DOP1A: variants seen among roughly 807,000 people sequenced by gnomAD.
DOP1A encodes DOP1 leucine zipper like protein A, also known as protein DOP1A.
In DOP1A, 90 loss-of-function variants were observed where a neutral mutation model predicts 267.6. The observed-to-expected ratio is 0.34, with a 90% CI of 0.28 to 0.40. DOP1A has a LOEUF of 0.40. Ranked by LOEUF, DOP1A falls within the 10% of genes least tolerant of loss-of-function variation. DOP1A has a pLI of 1.00. For missense variants in DOP1A, 2,437 were observed against 2,900.4 expected (o/e 0.84, Z 3.67); for synonymous variants, 932 against 999.1 (o/e 0.93, Z 1.27).
At chr6:83,080,779 C>T (rs1322704230) in intron 1 of DOP1A, among the ~76,000 whole-genome samples, 9 of 152,092 alleles carry the variant, frequency 5.9e-5, no homozygotes, top group Admixed American at 5.9e-4. Context: ...ATAGGTTCAC[C>T]ACGGCCATTT....
chr6:83,113,285 A>G (rs1316214665), intron 6 of DOP1A, 38 bp from the exon 7 acceptor site: 1 of 1,551,556 alleles, frequency 6.4e-7, no homozygotes, highest in South Asian at 1.2e-5. Flanking sequence ...ATGTCTCAGC[A>G]TAATAGACAA....
In DOP1A at chr6:83,100,764, C is replaced by G. The variant is rs775361899; in HGVS notation, c.198C>G (p.Arg66=). 1 of 1,585,596 alleles carries G rather than the reference C, an allele frequency of 6.3e-7. No homozygotes were observed. The highest frequency in any genetic ancestry group is 8.6e-7 in the Non-Finnish European group (1 of 1,164,304). ...CCAAAAAGCTGACCATAGGCAAACG[C>G]CTAGCTCAATGTCTACATCCAGCAT... ...VVPKKLTIGK[R]LAQCLHPALP... The change falls in exon 4 of 39, where the codon CGC becomes CGG. Residue 66 remains arginine (R), a synonymous_variant. Transcript: ENST00000349129.
chr6:83,129,040 G>T lies in DOP1A; in HGVS notation c.1873G>T (p.Gly625Trp). The T allele has an allele frequency of 1.2e-6, 2 of 1,613,932 alleles. No individual in the cohort carries two copies. The highest frequency in any genetic ancestry group is 1.7e-4 in the Middle Eastern group (1 of 6,058). ...TGACAGAGAACTGAGTGAGGGCCAG[G>T]GGGCAGCTGCCATCCCAATTGGTAG... ...DIDRELSEGQ[G>W]AAAIPIGSTS... Residue 625 changes from glycine to tryptophan, a missense_variant, in exon 16 of 39, where the codon GGG (glycine) becomes TGG (tryptophan). By Grantham distance (184) the Gly-to-Trp change is radical (BLOSUM62 -2). Around this residue, in one of 9 missense-constraint regions of DOP1A, gnomAD observed 498 missense variants for 513.5 expected, o/e 0.97. Coordinates refer to ENST00000349129, the MANE Select transcript of DOP1A (RefSeq NM_015018.4).
chr6:83,166,751 A>C (rs550203370), intron 38 of DOP1A: 4 of 1,119,448 alleles, frequency 3.6e-6, no homozygotes, highest in Non-Finnish European at 4.4e-6. Context: ...AGAAGAAAAT[A>C]AGCTGGATTT....
chr6:83,088,815 A>G (rs1212935728), intron 1 of DOP1A, among the ~76,000 whole-genome samples: 1 of 152,244 alleles, frequency 6.6e-6, no homozygotes, highest in Non-Finnish European at 1.5e-5. Flanking sequence ...AAGATTATTT[A>G]GTGACAGTGC....
chr6:83,083,572 C>T (rs1429891143), intron 1 of DOP1A, among the ~76,000 whole-genome samples: 1 of 152,044 alleles, frequency 6.6e-6, no homozygotes, highest in Non-Finnish European at 1.5e-5. Flanking sequence ...GTATATCTAC[C>T]TCATGGATGT....
rs531453569 is a variant in DOP1A, at chr6:83,121,494, A to C, written c.1100-436A>C. Among the ~76,000 whole-genome samples the C allele has an allele frequency of 2.0e-5, 3 of 151,916 alleles. No individual in the cohort carries two copies. In the South Asian group the frequency reaches 6.2e-4, roughly 32 times the overall value. On this transcript the variant is annotated intron_variant, in intron 10 of 38. Coordinates refer to ENST00000349129, the MANE Select transcript of DOP1A (RefSeq NM_015018.4). Reference sequence around the variant, plus strand: ...AGCCTTATGCATTTTAGTATTATTTAAATTAATAGCAGTAATTACAAGTAG... The same window carrying C: ...AGCCTTATGCATTTTAGTATTATTTCAATTAATAGCAGTAATTACAAGTAG...
intron 6 of DOP1A, among the ~76,000 whole-genome samples, chr6:83,111,248 C>G (rs1237002161): frequency 6.6e-6 from 1 of 152,052 alleles, no homozygotes; most frequent in African/African-American, 2.4e-5. Flanking sequence ...CTGCGCCTGG[C>G]TTGTGTTCAC....
At chr6:83,123,075 A>T in intron 12 of DOP1A, 93 bp downstream of exon 12, 1 of 1,330,468 alleles carries the variant, frequency 7.5e-7, no homozygotes, top group South Asian at 1.5e-5. Context: ...ATGTTCTTTT[A>T]TACATTCTAT....
chr6:83,078,304 T>A lies in DOP1A; in HGVS notation c.-147+10525T>A, dbSNP rs151308469. 3.0e-3 allele frequency among the ~76,000 whole-genome samples: 462 copies of A among 152,348 alleles called. 5 individuals are homozygous for A. The highest frequency in any genetic ancestry group is 3.6e-3 in the Non-Finnish European group (244 of 68,032). On this transcript the variant is annotated intron_variant, in intron 1 of 38. Transcript: ENST00000349129. ...ATAGCAGTAATAAGAGCACTTCTTA[T>A]ACGCTAAGTTAACACTGAGCTAAAG...
chr6:83,083,512 C>G (rs2128046324), intron 1 of DOP1A, among the ~76,000 whole-genome samples: 1 of 151,334 alleles, frequency 6.6e-6, no homozygotes, highest in Non-Finnish European at 1.5e-5. Context: ...TCCTTTTATT[C>G]TCTGTGGCAC....
At chr6:83,084,447 G>A (rs1768704152) in intron 1 of DOP1A, among the ~76,000 whole-genome samples, 1 of 152,178 alleles carries the variant, frequency 6.6e-6, no homozygotes, top group Non-Finnish European at 1.5e-5. Flanking sequence ...AGCAATGCAT[G>A]ACTATAAATA....
chr6:83,149,520 G>T (rs1359815880), intron 27 of DOP1A, among the ~76,000 whole-genome samples: 1 of 152,134 alleles, frequency 6.6e-6, no homozygotes, highest in Non-Finnish European at 1.5e-5. Flanking sequence ...ACAGGCAGTG[G>T]TATAGTGGAA....
intron 1 of DOP1A, among the ~76,000 whole-genome samples, chr6:83,093,927 C>T (rs945321123): frequency 2.0e-5 from 3 of 151,968 alleles, no homozygotes; most frequent in African/African-American, 7.2e-5. Flanking sequence ...AACAAACAAA[C>T]AAAAAATATA....
intron 36 of DOP1A, 33 bp downstream of exon 36, chr6:83,158,655 T>C (rs1290527873): frequency 6.9e-7 from 1 of 1,447,198 alleles, no homozygotes; most frequent in Non-Finnish European, 9.6e-7. Context: ...TGTTGTCCAT[T>C]TTTTAATACC....
At chr6:83,163,765 G>A (rs970359548) in intron 38 of DOP1A, among the ~76,000 whole-genome samples, 1 of 151,996 alleles carries the variant, frequency 6.6e-6, no homozygotes, top group African/African-American at 2.4e-5. Context: ...TTAAAACAGT[G>A]CTCAGAGTTA....
At chr6:83,155,616 A>G (rs2128365003) in intron 33 of DOP1A, among the ~76,000 whole-genome samples, 1 of 152,322 alleles carries the variant, frequency 6.6e-6, no homozygotes, top group South Asian at 2.1e-4. Flanking sequence ...CTACACCAGA[A>G]GGTATTTTTA....
At chr6:83,161,450 G>A (rs1784215867) in intron 37 of DOP1A, among the ~76,000 whole-genome samples, 1 of 152,024 alleles carries the variant, frequency 6.6e-6, no homozygotes, top group African/African-American at 2.4e-5. Context: ...TAACTAAAAG[G>A]TACTATAAAG....
intron 3 of DOP1A, among the ~76,000 whole-genome samples, chr6:83,098,555 T>C (rs373392229): frequency 5.3e-5 from 8 of 152,216 alleles, no homozygotes; most frequent in African/African-American, 1.7e-4. Flanking sequence ...ATCCTTTCTT[T>C]AGCTTTAATT....
Sources: gnomAD v4.1 joint callset for allele counts (sites outside exome capture counted in the v4.1 genomes callset) on GRCh38, gnomAD v4.1.1 for gene constraint, gnomAD v4.1.1 regional missense constraint, MANE v1.5 for transcripts, NCBI Gene and HGNC (gene_info 2026-07-23, HGNC 2026-07-21) for gene names.